The following CTBP2 variants were observed in gnomAD, a reference collection of about 807,000 sequenced individuals.
CTBP2 encodes the protein C-terminal-binding protein 2.
Under a neutral mutation model 80.3 loss-of-function variants are expected in CTBP2, and 30 were observed. The ratio of observed to expected loss-of-function variants is 0.37; its 90% CI spans 0.28 to 0.51. CTBP2 has a LOEUF of 0.51. Ranked by LOEUF, CTBP2 falls within the 20% of genes least tolerant of loss-of-function variation. The pLI, the probability that CTBP2 is intolerant of heterozygous loss-of-function variation, is 0.93. For missense variants in CTBP2, 1,212 were observed against 1,375.3 expected (o/e 0.88, Z 1.88); for synonymous variants, 594 against 587.4 (o/e 1.01, Z -0.16).
At chr10:125,031,553 C>T (rs1332340248), upstream of CTBP2, among the ~76,000 whole-genome samples, 2 of 144,998 alleles carry the variant, frequency 1.4e-5, no homozygotes, top group African/African-American at 5.1e-5. Context: ...TGCCCCCGAA[C>T]GTCCTCAACC....
intron 1 of CTBP2, among the ~76,000 whole-genome samples, chr10:125,153,604 CCA>C (rs202187733): frequency 6.6e-6 from 1 of 152,136 alleles, no homozygotes; most frequent in Non-Finnish European, 1.5e-5. Flanking sequence ...CCTCCCGCTG[CCA>C]CACACACACC....
At chr10:125,152,506 TG>T (rs1191323223) in intron 1 of CTBP2, among the ~76,000 whole-genome samples, 1 of 152,290 alleles carries the variant, frequency 6.6e-6, no homozygotes, top group East Asian at 1.9e-4. Flanking sequence ...CTTTATGACT[TG>T]GGGGAGGCAA....
intron 2 of CTBP2, among the ~76,000 whole-genome samples, chr10:125,076,455 G>C (rs185556029): frequency 1.3e-5 from 2 of 152,184 alleles, no homozygotes. Context: ...TCTAGGTTCA[G>C]TTCTGTCCAG....
chr10:125,087,733 C>A (rs182964010), intron 2 of CTBP2, among the ~76,000 whole-genome samples: 2 of 152,326 alleles, frequency 1.3e-5, no homozygotes, highest in Admixed American at 1.3e-4. Context: ...ACGCCGACTC[C>A]CACAGCATGC....
intron 2 of CTBP2, among the ~76,000 whole-genome samples, chr10:125,040,956 G>T (rs1309887627): frequency 6.6e-6 from 1 of 152,240 alleles, no homozygotes; most frequent in African/African-American, 2.4e-5. Flanking sequence ...CAACGATTGG[G>T]AAGTTCCCCC....
intron 1 of CTBP2, among the ~76,000 whole-genome samples, chr10:125,146,593 A>AT (rs35386985): frequency 1.7e-4 from 26 of 151,972 alleles, no homozygotes; most frequent in Non-Finnish European, 2.5e-4. Context: ...TCCAAGTGAG[A>AT]TTTTTTAATA....
At chr10:124,995,115 G>A (rs1466884002) in intron 4 of CTBP2, among the ~76,000 whole-genome samples, 1 of 152,202 alleles carries the variant, frequency 6.6e-6, no homozygotes, top group Non-Finnish European at 1.5e-5. Context: ...AATGTCACAG[G>A]GAGTAATGTC....
At chr10:125,153,101 C>CA (rs1860290151) in intron 1 of CTBP2, among the ~76,000 whole-genome samples, 1 of 152,250 alleles carries the variant, frequency 6.6e-6, no homozygotes, top group South Asian at 2.1e-4. Context: ...CCGGCAGCTC[C>CA]AACAGCAAGG....
chr10:125,041,504 A>ACCCCCCCCC (rs10559259), intron 2 of CTBP2, among the ~76,000 whole-genome samples: 12 of 91,128 alleles, frequency 1.3e-4, no homozygotes, highest in South Asian at 3.9e-4. Context: ...GTCCATCCCC[A>ACCCCCCCCC]CCCCCCCCCC....
rs549036500 is a variant in CTBP2 at position 125,054,750 on chromosome 10, G to C, written c.-101-15595C>G. On this transcript the variant is annotated intron_variant, in intron 2 of 10. Coordinates refer to the CTBP2 transcript ENST00000337195. Reference sequence around the variant, plus strand: ...AACAGTAATACATTTGTAATGCATGGCGTCTAGTTTATACTACCTACAGGA... The same window carrying C: ...AACAGTAATACATTTGTAATGCATGCCGTCTAGTTTATACTACCTACAGGA... Among the ~76,000 whole-genome samples, 11 of 152,250 alleles carry C rather than the reference G, an allele frequency of 7.2e-5. No homozygotes were observed. The South Asian group carries it at 2.3e-3, about 32-fold the overall frequency.
chr10:125,127,201 C>G (rs570393874), intron 1 of CTBP2, among the ~76,000 whole-genome samples: 2 of 152,318 alleles, frequency 1.3e-5, no homozygotes, highest in South Asian at 2.1e-4. Context: ...TTCTGTCCAA[C>G]TGCATGTTCC....
chr10:124,993,250 G>A lies in CTBP2; in HGVS notation c.2611C>T (p.Leu871=), dbSNP rs1295359092. Residue 871 remains leucine (L), a synonymous_variant, in exon 7 of 9, where the codon CTG becomes TTG. Transcript: ENST00000309035. ...GTGGCAGCTGCCTCCCTCATCTCCA[G>A]TGACGCCTGCTCACTGTACCAGGCA... 3.7e-6 allele frequency: 6 copies of A among 1,604,784 alleles called. No individual in the cohort carries two copies. In the African/African-American group the frequency reaches 8.0e-5, roughly 21 times the overall value.
chr10:125,023,164 G>A (rs370216902), intron 1 of CTBP2, among the ~76,000 whole-genome samples: 3 of 152,188 alleles, frequency 2.0e-5, no homozygotes, highest in African/African-American at 7.2e-5. Context: ...GTGACCCTAA[G>A]CAACTAGACA....
At chr10:125,045,736 C>A (rs1355573171) in intron 2 of CTBP2, among the ~76,000 whole-genome samples, 4 of 152,118 alleles carry the variant, frequency 2.6e-5, no homozygotes, top group Non-Finnish European at 4.4e-5. Context: ...GGTGTCCTGA[C>A]CCCTCGGCCT....
Position 125,015,845 on chromosome 10 carries a change from A to G in CTBP2, c.1678+10237T>C, listed in dbSNP as rs1391336801. Among the ~76,000 whole-genome samples, 5 of 152,276 alleles carry G rather than the reference A, an allele frequency of 3.3e-5. No individual in the cohort carries two copies. The South Asian group carries it at 1.0e-3, about 32-fold the overall frequency. ...CTGGCAGAGCGGCCAGCTGCTGCAC[A>G]CTCACTCGCCGGCCGCACAAGAGGC... is the stretch of plus-strand genomic sequence containing the variant. On this transcript the variant is annotated intron_variant, in intron 1 of 8. Coordinates refer to ENST00000309035, the MANE Select transcript of CTBP2 (RefSeq NM_022802.3).
chr10:125,078,429 T>A, intron 2 of CTBP2, among the ~76,000 whole-genome samples: 1 of 152,332 alleles, frequency 6.6e-6, no homozygotes, highest in Non-Finnish European at 1.5e-5. Context: ...AACAAGGTCT[T>A]ATCAATTATT....
chr10:124,993,551 A>T (rs1246591244), intron 6 of CTBP2, among the ~76,000 whole-genome samples: 1 of 152,186 alleles, frequency 6.6e-6, no homozygotes, highest in Admixed American at 6.5e-5. Context: ...GCCCAATTCT[A>T]TTGAAGGCTT....
At chr10:125,076,865 T>C (rs897669232) in intron 2 of CTBP2, among the ~76,000 whole-genome samples, 5 of 152,224 alleles carry the variant, frequency 3.3e-5, no homozygotes, top group African/African-American at 1.2e-4. Flanking sequence ...GGTTTCTTCC[T>C]TCCCAGACCC....
chr10:125,155,378 T>C (rs1014939927), intron 1 of CTBP2, among the ~76,000 whole-genome samples: 5 of 151,814 alleles, frequency 3.3e-5, no homozygotes, highest in Non-Finnish European at 7.4e-5. Context: ...CTATTGTACA[T>C]TCTGTATTCA....
Sources: gnomAD v4.1 joint callset for allele counts (sites outside exome capture counted in the v4.1 genomes callset) on GRCh38, gnomAD v4.1.1 for gene constraint, MANE v1.5 for transcripts, NCBI Gene and HGNC (gene_info 2026-07-23, HGNC 2026-07-21) for gene names.